The following PXYLP1 variants were observed in gnomAD, a reference collection of about 807,000 sequenced individuals.
PXYLP1 encodes the protein acid phosphatase-like 2.
PXYLP1 carries 17 observed loss-of-function variants against 37.9 expected under a neutral mutation model. That is an observed-to-expected ratio of 0.45 (90% CI 0.31 to 0.67). PXYLP1 has a LOEUF of 0.67. Ranked by LOEUF, PXYLP1 falls within the 30% of genes least tolerant of loss-of-function variation. PXYLP1 has a pLI of 0.07. For missense variants in PXYLP1, 511 were observed against 612.0 expected, an observed-to-expected ratio of 0.84 and a Z score of 1.74; for synonymous variants, 221 against 232.2, an observed-to-expected ratio of 0.95 and a Z score of 0.44.
intron 2 of PXYLP1, among the ~76,000 whole-genome samples, chr3:141,275,742 T>G (rs139930296): frequency 4.0e-4 from 60 of 151,672 alleles, no homozygotes; most frequent in Non-Finnish European, 7.5e-4. Flanking sequence ...CAGTTCTGTA[T>G]CTCTGTGATT....
chr3:141,292,586 A>C lies in PXYLP1; in HGVS notation c.824A>C (p.Tyr275Ser). 1 of 1,614,106 alleles carries C rather than the reference A, an allele frequency of 6.2e-7. No homozygotes were observed. The change falls in exon 6 of 6, where the codon TAC becomes TCC. Residue 275 changes from tyrosine (Y) to serine (S), a missense_variant. Coordinates refer to ENST00000286353, the MANE Select transcript of PXYLP1 (RefSeq NM_001037172.3). The surrounding 1 kb of genome is among the most constrained non-coding windows in gnomAD (Gnocchi z 4.3). ...AAAAACAGCCAGCTGGAGAAGACCTACGGGGAGATGGCCAAGATCGTGGAT... is the reference window on the plus strand; with the variant it reads ...AAAAACAGCCAGCTGGAGAAGACCTCCGGGGAGATGGCCAAGATCGTGGAT... ...RLKNSQLEKT[Y>S]GEMAKIVDVP...
intron 2 of PXYLP1, among the ~76,000 whole-genome samples, chr3:141,276,473 A>G (rs1317333082): frequency 1.3e-5 from 2 of 152,148 alleles, no homozygotes; most frequent in Non-Finnish European, 2.9e-5. Context: ...CACTTCACTT[A>G]ATTTATCTTT....
intron 2 of PXYLP1, among the ~76,000 whole-genome samples, chr3:141,260,555 G>A (rs1216838944): frequency 6.6e-6 from 1 of 152,242 alleles, no homozygotes; most frequent in Non-Finnish European, 1.5e-5. Flanking sequence ...GAACCACACA[G>A]AGCAGAGGTG....
chr3:141,290,422 A>G (rs1296909812), intron 5 of PXYLP1, among the ~76,000 whole-genome samples: 2 of 152,222 alleles, frequency 1.3e-5, no homozygotes, highest in East Asian at 3.8e-4. Flanking sequence ...CAGTGCCGGC[A>G]TATGAGAGGC....
At chr3:141,260,366 CT>C in intron 2 of PXYLP1, 112 bp downstream of exon 2, 1 of 1,269,312 alleles carries the variant, frequency 7.9e-7, no homozygotes, top group Non-Finnish European at 1.1e-6. Context: ...ACAACGAAGT[CT>C]TTTTATTGTT....
chr3:141,248,018 G>GTTTTTT (rs200024544), intron 1 of PXYLP1, among the ~76,000 whole-genome samples: 11 of 62,380 alleles, frequency 1.8e-4, no homozygotes, highest in African/African-American at 6.2e-4. Flanking sequence ...AAGAGTTTTT[G>GTTTTTT]TTTTGTTTTT....
intron 2 of PXYLP1, among the ~76,000 whole-genome samples, chr3:141,268,404 G>A (rs1034897272): frequency 6.6e-6 from 1 of 152,234 alleles, no homozygotes; most frequent in Non-Finnish European, 1.5e-5. Flanking sequence ...TGTACCCACT[G>A]CAGGGAGAGC....
intron 4 of PXYLP1, among the ~76,000 whole-genome samples, chr3:141,280,255 C>T (rs1288558634): frequency 6.6e-6 from 1 of 152,242 alleles, no homozygotes; most frequent in Non-Finnish European, 1.5e-5. Context: ...TGGAATGCTT[C>T]TGGGATGCCA....
chr3:141,241,047 C>T (rs1940785752), intron 1 of PXYLP1, among the ~76,000 whole-genome samples: 1 of 152,198 alleles, frequency 6.6e-6, no homozygotes, highest in South Asian at 2.1e-4. Context: ...ACTCAACCTT[C>T]CAAAGCTTCT....
At chr3:141,279,176 C>T (rs1010326511) in intron 3 of PXYLP1, among the ~76,000 whole-genome samples, 1 of 152,186 alleles carries the variant, frequency 6.6e-6, no homozygotes, top group African/African-American at 2.4e-5. Flanking sequence ...CTCTGTCCCG[C>T]CTTGTAAGAC....
chr3:141,267,977 A>T (rs1324883878), intron 2 of PXYLP1, among the ~76,000 whole-genome samples: 1 of 151,770 alleles, frequency 6.6e-6, no homozygotes, highest in Non-Finnish European at 1.5e-5. Context: ...AGATGAGGGG[A>T]TAGAGATATC....
At chr3:141,263,252 A>G (rs901787975) in intron 2 of PXYLP1, among the ~76,000 whole-genome samples, 28 of 152,354 alleles carry the variant, frequency 1.8e-4, no homozygotes, top group Middle Eastern at 3.4e-3. Context: ...AAGTGGAGGT[A>G]GTAAGGAAAT....
chr3:141,259,948 G>T (rs1211410592), intron 1 of PXYLP1, among the ~76,000 whole-genome samples, 175 bp from the exon 2 acceptor site: 4 of 152,150 alleles, frequency 2.6e-5, no homozygotes, highest in Non-Finnish European at 4.4e-5. Flanking sequence ...GGCTTATTTG[G>T]GGGCAAAGAC....
intron 5 of PXYLP1, among the ~76,000 whole-genome samples, chr3:141,291,135 C>T (rs576459100): frequency 4.0e-4 from 61 of 152,268 alleles, no homozygotes; most frequent in Admixed American, 2.0e-3. Context: ...ACATATTTCC[C>T]TCTGTCTCAC....
chr3:141,270,798 C>T (rs1007250639), intron 2 of PXYLP1, among the ~76,000 whole-genome samples: 4 of 152,180 alleles, frequency 2.6e-5, no homozygotes, highest in Non-Finnish European at 5.9e-5. Flanking sequence ...TTTGATATCC[C>T]TTCCAGATCC....
intron 5 of PXYLP1, among the ~76,000 whole-genome samples, chr3:141,289,257 T>C (rs1942145095): frequency 6.9e-6 from 1 of 144,788 alleles, no homozygotes; most frequent in Admixed American, 6.7e-5. Flanking sequence ...TATACAAAAA[T>C]GGTTTTGTGT....
chr3:141,239,065 TA>T (rs10709588), intron 1 of PXYLP1, among the ~76,000 whole-genome samples: 108,255 of 144,222 alleles, frequency 0.75, 40,570 homozygotes, highest in African/African-American at 0.85. Context: ...AGTTTTGTCT[TA>T]AAAAAAAAAA....
intron 2 of PXYLP1, among the ~76,000 whole-genome samples, chr3:141,268,214 T>A (rs867444096): frequency 0.019 from 2,576 of 137,132 alleles, 17 homozygotes; most frequent in Non-Finnish European, 0.03. Flanking sequence ...AGAGTGTGTG[T>A]GTGTGTGTGT....
chr3:141,267,823 C>G (rs928088344), intron 2 of PXYLP1, among the ~76,000 whole-genome samples: 2 of 151,064 alleles, frequency 1.3e-5, no homozygotes, highest in South Asian at 4.2e-4. Context: ...AGATAATGAC[C>G]TCCCTCCCTC....
Sources: gnomAD v4.1 joint callset for allele counts (sites outside exome capture counted in the v4.1 genomes callset) on GRCh38, gnomAD v4.1.1 for gene constraint, Gnocchi (gnomAD v3.1) non-coding constraint, MANE v1.5 for transcripts, NCBI Gene and HGNC (gene_info 2026-07-23, HGNC 2026-07-21) for gene names.